TMIGD1: variants seen among roughly 807,000 people sequenced by gnomAD.
TMIGD1 encodes the protein transmembrane and immunoglobulin domain containing 1, also known as transmembrane and immunoglobulin domain-containing protein 1.
TMIGD1 carries 29 observed loss-of-function variants against 27.5 expected under a neutral mutation model. That is an observed-to-expected ratio of 1.05 (90% CI 0.78 to 1.44). TMIGD1 has a LOEUF of 1.44. Among genes scored for constraint, TMIGD1 ranks in the 40% most tolerant of loss-of-function variants. TMIGD1 has a pLI of 0.00. For synonymous variants in TMIGD1, 109 were observed against 110.3 expected, an observed-to-expected ratio of 0.99 and a Z score of 0.07; for missense variants, 334 against 310.6, an observed-to-expected ratio of 1.08 and a Z score of -0.57.
At chr17:30,325,380 A>T (rs1909743832) in intron 3 of TMIGD1, among the ~76,000 whole-genome samples, 1 of 152,220 alleles carries the variant, frequency 6.6e-6, no homozygotes, top group Non-Finnish European at 1.5e-5. Flanking sequence ...AATTTGTAAC[A>T]CTACCCAAGA....
At chr17:30,317,030 G>T in intron 6 of TMIGD1, 163 bp downstream of exon 6, 3 of 811,616 alleles carry the variant, frequency 3.7e-6, no homozygotes, top group Non-Finnish European at 4.1e-6. Flanking sequence ...TTTTCAACCT[G>T]TCTTCCTCTA....
At chr17:30,321,632 C>G (rs1909624849) in intron 4 of TMIGD1, among the ~76,000 whole-genome samples, 1 of 152,136 alleles carries the variant, frequency 6.6e-6, no homozygotes, top group Non-Finnish European at 1.5e-5. Context: ...AGACATTAAA[C>G]AAACAGACAC....
chr17:30,328,906 G>A (rs1909875203), intron 3 of TMIGD1, among the ~76,000 whole-genome samples: 1 of 148,334 alleles, frequency 6.7e-6, no homozygotes, highest in South Asian at 2.1e-4. Flanking sequence ...GGAGGTTGCA[G>A]TGAGCCGAGA....
chr17:30,331,583 ATTTT>A (rs71360742), intron 2 of TMIGD1, among the ~76,000 whole-genome samples: 3 of 133,192 alleles, frequency 2.3e-5, no homozygotes, highest in African/African-American at 2.8e-5. Flanking sequence ...TTTCCATTTG[ATTTT>A]TTTTTTTTTT....
chr17:30,325,564 T>TA lies in TMIGD1; in HGVS notation c.362-471dup, dbSNP rs34218272. Among the ~76,000 whole-genome samples, 359 of 150,500 alleles carry TA rather than the reference T, an allele frequency of 2.4e-3. 1 individual carries two copies. The highest frequency in any genetic ancestry group is 0.02 in the Middle Eastern group (6 of 294). ...ACTGCTAAGGCCTCTGTTTCTCATG[T>TA]AAAAAAAAAATGGGATAATCATACA... On this transcript the variant is annotated intron_variant, in intron 3 of 6. Coordinates refer to ENST00000328886, the MANE Select transcript of TMIGD1 (RefSeq NM_206832.3).
intron 3 of TMIGD1, among the ~76,000 whole-genome samples, chr17:30,326,330 A>G (rs993203340): frequency 6.6e-6 from 1 of 152,216 alleles, no homozygotes; most frequent in African/African-American, 2.4e-5. Context: ...AAATTAGTAC[A>G]TTTTAGATAA....
In TMIGD1 at chr17:30,332,129, G is replaced by T; in HGVS notation, c.5C>A (p.Ala2Glu). The part of the protein sequence containing the change: M[A>E]WKSSVIMQMG... ...TTGCATTATGACACTGCTCTTCCAT[G>T]CCATCTTTAATGAGTTAAACTCAGA... The change falls in exon 2 of 7, where the codon GCA becomes GAA. Residue 2 changes from alanine to glutamate, a missense_variant. Ala to Glu is a moderately radical substitution (Grantham distance 107). Transcript: ENST00000328886. 1.2e-6 allele frequency: 2 copies of T among 1,611,738 alleles called. No homozygotes were observed. Among genetic ancestry groups the T allele is most frequent in the Non-Finnish European group, 1.7e-6 (2 of 1,178,874 alleles).
intron 3 of TMIGD1, 142 bp downstream of exon 3, chr17:30,329,109 T>G: frequency 1.1e-6 from 1 of 883,462 alleles, no homozygotes; most frequent in South Asian, 1.9e-5. Context: ...CTCATGAGGG[T>G]GAGGGGAAAT....
intron 3 of TMIGD1, among the ~76,000 whole-genome samples, chr17:30,328,560 G>A (rs901767405): frequency 2.0e-5 from 3 of 151,550 alleles, no homozygotes; most frequent in Non-Finnish European, 4.4e-5. Context: ...AAAACCCAAC[G>A]GAAAAAAATG....
intron 4 of TMIGD1, among the ~76,000 whole-genome samples, chr17:30,320,847 A>C (rs929248094): frequency 2.4e-4 from 37 of 152,182 alleles, no homozygotes; most frequent in African/African-American, 6.7e-4. Flanking sequence ...TACCCTAGGC[A>C]ACATAGTGAG....
chr17:30,325,816 A>G (rs1465559872), intron 3 of TMIGD1, among the ~76,000 whole-genome samples: 3 of 152,180 alleles, frequency 2.0e-5, no homozygotes, highest in African/African-American at 4.8e-5. Flanking sequence ...TGTTCTAAGC[A>G]TGAGAACTCT....
chr17:30,325,065 G>A lies in TMIGD1; in HGVS notation c.391C>T (p.Gln131Ter), dbSNP rs1909734479. ...ACATTACTGCCTTCCTCAACTGTTTGGAAGTCGTTTCCACTTAGGAGAGGA... is the reference window on the plus strand; with the variant it reads ...ACATTACTGCCTTCCTCAACTGTTTAGAAGTCGTTTCCACTTAGGAGAGGA... Reference protein sequence around the residue: ...FPPLLSGNDFQTVEEGSNVKL... With the variant: ...FPPLLSGNDF The change falls in exon 4 of 7, where the codon CAA becomes TAA. Residue 131 changes from glutamine to a stop codon, truncating the protein, a stop_gained. Transcript: ENST00000328886. LOFTEE classifies it high-confidence loss of function. The A allele has an allele frequency of 6.2e-7, 1 of 1,613,628 alleles. No individual in the cohort carries two copies. The highest frequency in any genetic ancestry group is 1.3e-5 in the African/African-American group (1 of 74,976).
chr17:30,333,437 T>A (rs1179582611), intron 1 of TMIGD1, among the ~76,000 whole-genome samples: 1 of 151,586 alleles, frequency 6.6e-6, no homozygotes, highest in African/African-American at 2.4e-5. Flanking sequence ...TGAGGCTCGG[T>A]CTCAAAAAAT....
intron 5 of TMIGD1, 103 bp from the exon 6 acceptor site, chr17:30,317,336 C>G: frequency 1.6e-6 from 2 of 1,233,902 alleles, no homozygotes; most frequent in Non-Finnish European, 2.4e-6. Context: ...GTCCTGTGCA[C>G]ACCTCTGCAC....
chr17:30,325,875 A>C (rs930156959), intron 3 of TMIGD1, among the ~76,000 whole-genome samples: 7 of 151,528 alleles, frequency 4.6e-5, no homozygotes, highest in African/African-American at 1.5e-4. Context: ...TGTGTGAGCA[A>C]CTCCTTTTTT....
At chr17:30,331,915 T>A in intron 2 of TMIGD1, 137 bp downstream of exon 2, 1 of 640,826 alleles carries the variant, frequency 1.6e-6, no homozygotes, top group Non-Finnish European at 2.8e-6. Flanking sequence ...GTTAGTTGAC[T>A]CCTGTACTGT....
In TMIGD1 at chr17:30,331,790, G is replaced by A. The variant is rs181645283; in HGVS notation, c.82+262C>T. On this transcript the variant is annotated intron_variant, in intron 2 of 6. Coordinates refer to ENST00000328886, the MANE Select transcript of TMIGD1 (RefSeq NM_206832.3). Reference sequence around the variant, plus strand: ...TTTTTAGTAGAGATGGGGTTTCACCGTGTTAGCCAGGATGGTCTCGATCTC... The same window carrying A: ...TTTTTAGTAGAGATGGGGTTTCACCATGTTAGCCAGGATGGTCTCGATCTC... 2.4e-3 allele frequency among the ~76,000 whole-genome samples: 364 copies of A among 152,056 alleles called. 3 individuals are homozygous for A. The highest frequency in any genetic ancestry group is 8.5e-3 in the African/African-American group (352 of 41,490).
rs543635657 is a variant in TMIGD1, at chr17:30,318,670, T to C, written c.744+140A>G. 5.2e-6 allele frequency: 3 copies of C among 579,676 alleles called. No homozygotes were observed. In the South Asian group the frequency reaches 6.8e-5, roughly 13 times the overall value. 35.9% of individuals were successfully genotyped at this position (579,676 alleles called of 1,614,324 possible). A position where few individuals can be genotyped will look rare whatever the true frequency, so the allele number is the denominator to read the frequency against. ...TATAATTTTTATTCCCTTGAGCAAC[T>C]GTATTTTAGATCTCATGGTATAAAG... On this transcript the variant is annotated intron_variant, in intron 5 of 6. Transcript: ENST00000328886.
At chr17:30,325,223 G>A (rs1159253776) in intron 3 of TMIGD1, 129 bp from the exon 4 acceptor site, 6 of 942,406 alleles carry the variant, frequency 6.4e-6, no homozygotes, top group Non-Finnish European at 7.8e-6. Context: ...AAATACGTAC[G>A]GTGTGACAAG....
Sources: gnomAD v4.1 joint callset for allele counts (sites outside exome capture counted in the v4.1 genomes callset) on GRCh38, gnomAD v4.1.1 for gene constraint, MANE v1.5 for transcripts, NCBI Gene and HGNC (gene_info 2026-07-23, HGNC 2026-07-21) for gene names.